Variants in MICU1 observed in about 807,000 individuals in gnomAD.
MICU1 encodes mitochondrial calcium uptake 1.
Under a neutral mutation model 56.8 loss-of-function variants are expected in MICU1, and 45 were observed. The ratio of observed to expected loss-of-function variants is 0.79; its 90% CI spans 0.62 to 1.02. The LOEUF (loss-of-function observed/expected upper bound fraction) is 1.02. MICU1 is among the 50% of genes least tolerant of loss of function. The pLI is 0.00. For synonymous variants in MICU1, 186 were observed against 195.1 expected (o/e 0.95, Z 0.39); for missense variants, 504 against 587.1 (o/e 0.86, Z 1.46).
chr10:72,477,797 T>C (rs752939230), intron 6 of MICU1, among the ~76,000 whole-genome samples: 14 of 152,192 alleles, frequency 9.2e-5, no homozygotes, highest in Non-Finnish European at 1.6e-4. Flanking sequence ...GTTTCTTTTA[T>C]TAGTTTATTC....
chr10:72,589,333 A>G (rs1163418451), intron 1 of MICU1, among the ~76,000 whole-genome samples: 1 of 152,122 alleles, frequency 6.6e-6, no homozygotes, highest in Non-Finnish European at 1.5e-5. Context: ...AATCTCAGTT[A>G]CAACAGCAAC....
chr10:72,616,596 A>C (rs1841986931), intron 1 of MICU1, among the ~76,000 whole-genome samples: 1 of 151,908 alleles, frequency 6.6e-6, no homozygotes, highest in Admixed American at 6.6e-5. Context: ...TAAAAAAAAA[A>C]AAAAAAAGAC....
chr10:72,591,531 G>T (rs1248655096), intron 1 of MICU1, among the ~76,000 whole-genome samples: 2 of 152,090 alleles, frequency 1.3e-5, no homozygotes, highest in African/African-American at 4.8e-5. Context: ...AATCAGAAAT[G>T]AAAGTGGGGA....
At chr10:72,593,832 A>G (rs1445941238) in intron 1 of MICU1, among the ~76,000 whole-genome samples, 2 of 152,194 alleles carry the variant, frequency 1.3e-5, no homozygotes, top group Admixed American at 6.6e-5. Flanking sequence ...AAAAACTTGT[A>G]CAATGAAAAC....
rs1351846672 is a variant in MICU1 at position 72,521,508 on chromosome 10, C to T, written c.537+12238G>A. On this transcript the variant is annotated intron_variant, in intron 5 of 11. Transcript: ENST00000361114. The stretch of plus-strand genomic sequence containing the variant: ...TTTATTCTCTTTAGTAAATGCCAGG[C>T]ACTGTGCTAGGTACTTTATATTTGC... Among the ~76,000 whole-genome samples, 3 of 152,074 alleles carry T rather than the reference C, an allele frequency of 2.0e-5. No homozygotes were observed. In the East Asian group the frequency reaches 5.8e-4, roughly 29 times the overall value.
intron 3 of MICU1, among the ~76,000 whole-genome samples, chr10:72,558,185 G>A (rs902761047): frequency 6.6e-6 from 1 of 151,430 alleles, no homozygotes; most frequent in Non-Finnish European, 1.5e-5. Context: ...GAAAAGTACA[G>A]AAACGACAGT....
chr10:72,469,588 T>A (rs1231780545), intron 8 of MICU1, among the ~76,000 whole-genome samples: 1 of 152,190 alleles, frequency 6.6e-6, no homozygotes, highest in African/African-American at 2.4e-5. Context: ...CTTTCAATCA[T>A]CCAAGTGAGA....
intron 1 of MICU1, among the ~76,000 whole-genome samples, chr10:72,623,882 C>G (rs1286084462): frequency 8.0e-6 from 1 of 125,218 alleles, no homozygotes; most frequent in East Asian, 1.9e-4. Context: ...TGGCTGAACC[C>G]CATCTCCATT....
In MICU1 at chr10:72,552,810, T is replaced by C. The variant is rs1689773526; in HGVS notation, c.331-1469A>G. Among the ~76,000 whole-genome samples, 3 of 152,238 alleles carry C rather than the reference T, an allele frequency of 2.0e-5. No individual in the cohort carries two copies. In the South Asian group the frequency reaches 6.2e-4, roughly 32 times the overall value. ...CTCAAGTGATCCACCTGCCTGGGCC[T>C]CCCAAAGTGCTGGGATTACAGGCGT... is the stretch of plus-strand genomic sequence containing the variant. On this transcript the variant is annotated intron_variant, in intron 3 of 11. Transcript: ENST00000361114.
intron 8 of MICU1, among the ~76,000 whole-genome samples, chr10:72,468,333 C>A (rs1308437374): frequency 6.7e-6 from 1 of 149,100 alleles, no homozygotes; most frequent in Non-Finnish European, 1.5e-5. Context: ...CCTTTCCCCC[C>A]TTACCCCTCT....
Position 72,549,189 on chromosome 10 carries a change from T to TG in MICU1, c.493+1989dup, listed in dbSNP as rs1241943980. Among the ~76,000 whole-genome samples, 764 of 150,888 alleles carry TG rather than the reference T, an allele frequency of 5.1e-3. 3 individuals are homozygous for TG. The highest frequency in any genetic ancestry group is 8.0e-3 in the Non-Finnish European group (542 of 67,620). On this transcript the variant is annotated intron_variant, in intron 4 of 11. Transcript: ENST00000361114. Reference sequence around the variant, plus strand: ...TGTTGTTTCATGTGTCTGTTTTTTTTGGTTTTTTTTTTTTTTTTTGAAACA... The same window carrying TG: ...TGTTGTTTCATGTGTCTGTTTTTTTTGGGTTTTTTTTTTTTTTTTTGAAACA...
intron 1 of MICU1, among the ~76,000 whole-genome samples, chr10:72,568,926 G>GT (rs1467791301): frequency 1.3e-5 from 2 of 149,970 alleles, no homozygotes; most frequent in African/African-American, 2.4e-5. Context: ...GCTAATTTTT[G>GT]TTTTTTTAGT....
chr10:72,497,175 T>C (rs182564976), intron 6 of MICU1, among the ~76,000 whole-genome samples: 109 of 152,216 alleles, frequency 7.2e-4, no homozygotes, highest in Non-Finnish European at 3.7e-4. Context: ...TTCTCCTGCC[T>C]CAGCCTCCTG....
At chr10:72,412,580 G>A (rs1205414623) in intron 9 of MICU1, among the ~76,000 whole-genome samples, 11 of 152,220 alleles carry the variant, frequency 7.2e-5, no homozygotes, top group African/African-American at 2.7e-4. Flanking sequence ...GCCAGGTGTG[G>A]TGGCTCATGC....
At chr10:72,412,704 A>T (rs1286345556) in intron 9 of MICU1, among the ~76,000 whole-genome samples, 1 of 151,342 alleles carries the variant, frequency 6.6e-6, no homozygotes, top group African/African-American at 2.4e-5. Flanking sequence ...ATACAAAATT[A>T]TCTGGGCATG....
intron 5 of MICU1, among the ~76,000 whole-genome samples, chr10:72,514,644 A>G (rs1867590749): frequency 6.6e-6 from 1 of 152,306 alleles, no homozygotes; most frequent in East Asian, 1.9e-4. Flanking sequence ...GAAAGGGGTA[A>G]AAATACTCTC....
chr10:72,573,671 A>C (rs1840672029), intron 1 of MICU1, among the ~76,000 whole-genome samples: 1 of 152,166 alleles, frequency 6.6e-6, no homozygotes, highest in Non-Finnish European at 1.5e-5. Flanking sequence ...TTTATTTATA[A>C]ATAAAATTTA....
intron 8 of MICU1, among the ~76,000 whole-genome samples, chr10:72,428,327 ATTTTT>A (rs1864415313): frequency 2.0e-5 from 3 of 152,082 alleles, no homozygotes; most frequent in Non-Finnish European, 4.4e-5. Flanking sequence ...ATTTTATTTT[ATTTTT>A]GAGATGGAGT....
At chr10:72,508,878 A>G (rs1456069903) in intron 5 of MICU1, among the ~76,000 whole-genome samples, 1 of 152,200 alleles carries the variant, frequency 6.6e-6, no homozygotes, top group East Asian at 1.9e-4. Context: ...CAATTTAATC[A>G]TATCTACTGT....
Sources: gnomAD v4.1 joint callset for allele counts (sites outside exome capture counted in the v4.1 genomes callset) on GRCh38, gnomAD v4.1.1 for gene constraint, MANE v1.5 for transcripts, NCBI Gene and HGNC (gene_info 2026-07-23, HGNC 2026-07-21) for gene names.